Variants in ZBTB41 observed in about 807,000 individuals in gnomAD.
The protein encoded by ZBTB41 is zinc finger and BTB domain-containing protein 41.
A neutral mutation model predicts 87.6 loss-of-function variants in ZBTB41; 42 were observed. That is an observed-to-expected ratio of 0.48 (90% CI 0.37 to 0.62). The LOEUF (loss-of-function observed/expected upper bound fraction) is 0.62. ZBTB41 is among the 20% of genes least tolerant of loss of function. The pLI, the probability that ZBTB41 is intolerant of heterozygous loss-of-function variation, is 0.00. For synonymous variants in ZBTB41, 364 were observed against 364.0 expected, an observed-to-expected ratio of 1.00 and a Z score of 0.00; for missense variants, 799 against 1,078.9, an observed-to-expected ratio of 0.74 and a Z score of 3.63.
rs769374696 is a variant in ZBTB41, at chr1:197,159,497, A to G, written c.2592T>C (p.Pro864=). The part of the protein sequence containing the change: ...LAFLEKYTLT[P]QPANIVHPVR... The stretch of plus-strand genomic sequence containing the variant: ...CTGGGTGAACTATATTTGCAGGTTG[A>G]GGAGTAAGAGTATATTTTTCCAGAA... Residue 864 remains proline (P), a synonymous_variant, in exon 11 of 11, where the codon CCT becomes CCC. Coordinates refer to ENST00000367405, the MANE Select transcript of ZBTB41 (RefSeq NM_194314.3). 4 of 1,613,970 alleles carry G rather than the reference A, an allele frequency of 2.5e-6. No homozygotes were observed. Among genetic ancestry groups the G allele is most frequent in the Non-Finnish European group, 2.5e-6 (3 of 1,179,866 alleles).
In ZBTB41 at chr1:197,175,099, C is replaced by T. The variant is rs574375370; in HGVS notation, c.1896G>A (p.Gln632=). ...KKIHSGEKAH[Q]CEECGKCFGR... Reference sequence around the variant, plus strand: ...CAAAACATTTTCCACATTCTTCACACTGATGAGCTTTTTCACCTTAAAATA... The same window carrying T: ...CAAAACATTTTCCACATTCTTCACATTGATGAGCTTTTTCACCTTAAAATA... Residue 632 remains glutamine, a synonymous_variant, in exon 9 of 11, where the codon CAG becomes CAA. Transcript: ENST00000367405. 3 of 1,610,704 alleles carry T rather than the reference C, an allele frequency of 1.9e-6. No homozygotes were observed. Among genetic ancestry groups the T allele is most frequent in the Admixed American group, 1.7e-5 (1 of 59,700 alleles).
intron 10 of ZBTB41, among the ~76,000 whole-genome samples, chr1:197,166,369 C>G (rs1008324458): frequency 2.6e-5 from 4 of 151,864 alleles, no homozygotes; most frequent in Non-Finnish European, 5.9e-5. Context: ...ACAGGAATGA[C>G]AAAAAGGTTA....
At position 197,199,423 on chromosome 1, in the gene ZBTB41, C is replaced by A. The variant is rs1276475829; in HGVS notation, c.1051G>T (p.Val351Leu). The A allele has an allele frequency of 6.2e-7, 1 of 1,609,038 alleles. No individual in the cohort carries two copies. Among genetic ancestry groups the A allele is most frequent in the South Asian group, 1.1e-5 (1 of 90,032 alleles). The change falls in exon 2 of 11, where the codon GTG (valine) becomes TTG (leucine). Residue 351 changes from valine (V) to leucine (L), a missense_variant. Coordinates refer to ENST00000367405, the MANE Select transcript of ZBTB41 (RefSeq NM_194314.3). ...VGNVHEGLTP[V>L]VIQNSNKKIL... ...TTTTTGTTGCTGTTCTGAATGACCACTGGAGTTAACCCCTCATGAACATTT... is the reference window on the plus strand; with the variant it reads ...TTTTTGTTGCTGTTCTGAATGACCAATGGAGTTAACCCCTCATGAACATTT...
intron 9 of ZBTB41, 38 bp downstream of exon 9, chr1:197,174,972 C>A: frequency 6.6e-7 from 1 of 1,524,530 alleles, no homozygotes; most frequent in Non-Finnish European, 9.0e-7. Flanking sequence ...AGAGACTTAG[C>A]CAATGTAAAC....
chr1:197,163,395 A>C (rs1247386914), intron 10 of ZBTB41, among the ~76,000 whole-genome samples: 1 of 152,150 alleles, frequency 6.6e-6, no homozygotes, highest in Non-Finnish European at 1.5e-5. Context: ...AATATGATTA[A>C]TATGTACAGG....
At chr1:197,200,722 G>C (rs1044214444) in intron 1 of ZBTB41, among the ~76,000 whole-genome samples, 132 bp from the exon 2 acceptor site, 4 of 152,182 alleles carry the variant, frequency 2.6e-5, no homozygotes, top group African/African-American at 9.7e-5. Flanking sequence ...ACTCATTCGT[G>C]GCAAAGATTT....
Position 197,181,145 on chromosome 1 carries a change from T to C in ZBTB41, c.1547-28A>G. Reference sequence around the variant, plus strand: ...AAAAAGGAAAAAAAAAAAGTGTGCATTTAAAGTTTAAAGAGGAGATACTAA... The same window carrying C: ...AAAAAGGAAAAAAAAAAAGTGTGCACTTAAAGTTTAAAGAGGAGATACTAA... On this transcript the variant is annotated intron_variant, in intron 5 of 10. Coordinates refer to ENST00000367405, the MANE Select transcript of ZBTB41 (RefSeq NM_194314.3). 1.9e-6 allele frequency: 3 copies of C among 1,548,854 alleles called. No individual in the cohort carries two copies. In the South Asian group the frequency reaches 3.7e-5, roughly 19 times the overall value.
At chr1:197,198,001 C>A (rs1660211874) in intron 2 of ZBTB41, among the ~76,000 whole-genome samples, 1 of 152,186 alleles carries the variant, frequency 6.6e-6, no homozygotes, top group Non-Finnish European at 1.5e-5. Context: ...AGGAAGCATG[C>A]ACTAAGAGTA....
intron 9 of ZBTB41, among the ~76,000 whole-genome samples, chr1:197,174,309 C>G (rs1459863018): frequency 1.3e-5 from 2 of 152,056 alleles, no homozygotes. Flanking sequence ...GATCAGAGGT[C>G]AGATTGCAAC....
At chr1:197,161,615 T>TAAA (rs1395302065) in intron 10 of ZBTB41, among the ~76,000 whole-genome samples, 1 of 87,264 alleles carries the variant, frequency 1.1e-5, no homozygotes, top group African/African-American at 3.7e-5. Context: ...GAGACATGAA[T>TAAA]ACATTATATA....
intron 10 of ZBTB41, among the ~76,000 whole-genome samples, chr1:197,166,234 A>G (rs1659341772): frequency 6.6e-6 from 1 of 152,200 alleles, no homozygotes; most frequent in South Asian, 2.1e-4. Flanking sequence ...GAGAAATACA[A>G]AAGAGAAAGC....
Position 197,201,264 on chromosome 1 carries a change from T to A in ZBTB41, c.-159A>T, listed in dbSNP as rs933963713. Among the ~76,000 whole-genome samples the A allele has an allele frequency of 6.6e-6, 1 of 152,014 alleles. No individual in the cohort carries two copies. Among genetic ancestry groups the A allele is most frequent in the African/African-American group, 2.4e-5 (1 of 41,388 alleles). On this transcript the variant is annotated 5_prime_UTR_variant, in exon 1 of 11. Transcript: ENST00000367405. Reference sequence around the variant, plus strand: ...CCCCGCTGGCTCCCAGCAGCTGAGCTCCACTCTGGGCGCGCTCGCTCCTGC... The same window carrying A: ...CCCCGCTGGCTCCCAGCAGCTGAGCACCACTCTGGGCGCGCTCGCTCCTGC...
At chr1:197,169,515 C>T (rs1306844375) in intron 10 of ZBTB41, among the ~76,000 whole-genome samples, 1 of 151,904 alleles carries the variant, frequency 6.6e-6, no homozygotes, top group Non-Finnish European at 1.5e-5. Context: ...ATTTTTGGTG[C>T]TATTAATATA....
chr1:197,165,078 C>T (rs1659304226), intron 10 of ZBTB41, among the ~76,000 whole-genome samples: 1 of 148,542 alleles, frequency 6.7e-6, no homozygotes, highest in African/African-American at 2.5e-5. Context: ...ACATAAATAT[C>T]TCAGTAACTT....
At position 197,199,482 on chromosome 1, in the gene ZBTB41, G is replaced by A. The variant is rs758660955; in HGVS notation, c.992C>T (p.Ala331Val). Residue 331 changes from alanine (A) to valine (V), a missense_variant, in exon 2 of 11, where the codon GCA becomes GTA. Physicochemically the swap from Ala to Val is moderately conservative, Grantham distance 64. This residue lies in a region of ZBTB41 where 294 missense variants were observed against 340.1 expected (regional missense o/e 0.86). Transcript: ENST00000367405. Reference protein sequence around the residue: ...EEQSEKDHNDAEEEPEAGDSV... With the variant: ...EEQSEKDHNDVEEEPEAGDSV... ...ATCACCAGCCTCAGGTTCTTCTTCT[G>A]CATCATTATGATCCTTTTCACTTTG... The A allele has an allele frequency of 6.2e-7, 1 of 1,613,148 alleles. No homozygotes were observed. Among genetic ancestry groups the A allele is most frequent in the Non-Finnish European group, 8.5e-7 (1 of 1,179,826 alleles).
At chr1:197,196,266 A>AT (rs1660159606) in intron 2 of ZBTB41, among the ~76,000 whole-genome samples, 1 of 152,122 alleles carries the variant, frequency 6.6e-6, no homozygotes, top group Admixed American at 6.5e-5. Flanking sequence ...CTGTGTTGTT[A>AT]TTTTTTTAAA....
At chr1:197,174,530 C>T (rs1223989906) in intron 9 of ZBTB41, among the ~76,000 whole-genome samples, 1 of 152,060 alleles carries the variant, frequency 6.6e-6, no homozygotes, top group Non-Finnish European at 1.5e-5. Flanking sequence ...ACATGAATTA[C>T]TTGAATGTTT....
chr1:197,180,962 T>TTG, intron 6 of ZBTB41, 26 bp downstream of exon 6: 1 of 1,578,436 alleles, frequency 6.3e-7, no homozygotes, highest in Non-Finnish European at 8.5e-7. Flanking sequence ...ACTAGGATTT[T>TTG]TGTGGGTGTG....
At chr1:197,163,381 A>T (rs1249798363) in intron 10 of ZBTB41, among the ~76,000 whole-genome samples, 1 of 152,084 alleles carries the variant, frequency 6.6e-6, no homozygotes, top group Non-Finnish European at 1.5e-5. Context: ...GGGACATCAA[A>T]ATCAATATGA....
Sources: allele counts gnomAD v4.1 joint callset (sites outside exome capture counted in the v4.1 genomes callset), GRCh38; gene constraint gnomAD v4.1.1; regional missense constraint gnomAD v4.1.1; transcripts MANE v1.5; gene names NCBI Gene and HGNC (gene_info 2026-07-23, HGNC 2026-07-21).